Variants in CAMTA1 observed in about 807,000 individuals in gnomAD.
CAMTA1 encodes calmodulin binding transcription activator 1, also known as calmodulin-binding transcription activator 1.
Under a neutral mutation model 170.9 loss-of-function variants are expected in CAMTA1, and 27 were observed. That is an observed-to-expected ratio of 0.16 (90% CI 0.12 to 0.22). The LOEUF (loss-of-function observed/expected upper bound fraction) is 0.22, where lower values mean the gene tolerates loss of function less well. CAMTA1 is among the 10% of genes least tolerant of loss of function. The pLI, the probability that CAMTA1 is intolerant of heterozygous loss-of-function variation, is 1.00. For missense variants in CAMTA1, 1,619 were observed against 2,217.2 expected, an observed-to-expected ratio of 0.73 and a Z score of 5.42; for synonymous variants, 833 against 891.5, an observed-to-expected ratio of 0.93 and a Z score of 1.17.
At position 7,463,489 on chromosome 1, in the gene CAMTA1, GGAGA is replaced by G; in HGVS notation, c.439-4332_439-4329del. Among the ~76,000 whole-genome samples, 1 of 151,660 alleles carries G rather than the reference GGAGA, an allele frequency of 6.6e-6. No individual in the cohort carries two copies. The highest frequency in any genetic ancestry group is 2.4e-5 in the African/African-American group (1 of 41,350). On this transcript the variant is annotated intron_variant, in intron 5 of 22. Transcript: ENST00000303635. This position sits in a 1 kb window ranked among gnomAD's most constrained non-coding sequence, Gnocchi z 4.7. ...GAGAGGACAAGACAGCTGCAGAGAT[GGAGA>G]GAGAGAGAAAGAAAGAGACTGAGAA...
Position 7,736,057 on chromosome 1 carries a change from G to A in CAMTA1, c.3067-287G>A, listed in dbSNP as rs897187756. ...CCCAAAGTGCTGGGATTTCAGGCAT[G>A]AGCCACTGTGCGCAGCCTAAATTTT... On this transcript the variant is annotated intron_variant, in intron 12 of 22. Transcript: ENST00000303635. The surrounding 1 kb of genome is among the most constrained non-coding windows in gnomAD (Gnocchi z 4.5). Among the ~76,000 whole-genome samples the A allele has an allele frequency of 3.9e-5, 6 of 152,074 alleles. No homozygotes were observed. The highest frequency in any genetic ancestry group is 1.4e-4 in the African/African-American group (6 of 41,418).
intron 4 of CAMTA1, among the ~76,000 whole-genome samples, chr1:7,157,590 AT>A (rs1398767786): frequency 6.6e-6 from 1 of 152,168 alleles, no homozygotes; most frequent in African/African-American, 2.4e-5. Context: ...TTCATACATT[AT>A]TGATGGGGAT....
At chr1:6,930,558 G>A (rs1388115818) in intron 3 of CAMTA1, among the ~76,000 whole-genome samples, 2 of 152,206 alleles carry the variant, frequency 1.3e-5, no homozygotes, top group Non-Finnish European at 2.9e-5. Flanking sequence ...AGCTCATGGG[G>A]GTTAGGGGTT....
At chr1:7,505,025 C>G (rs990229348) in intron 6 of CAMTA1, among the ~76,000 whole-genome samples, 1 of 150,870 alleles carries the variant, frequency 6.6e-6, no homozygotes, top group African/African-American at 2.4e-5. Flanking sequence ...GGACATGGCA[C>G]AAGCACACAG....
chr1:7,595,513 A>T (rs2095393016), intron 6 of CAMTA1, among the ~76,000 whole-genome samples: 1 of 152,164 alleles, frequency 6.6e-6, no homozygotes, highest in Non-Finnish European at 1.5e-5. Context: ...GCTCTGCTGA[A>T]TCTGGAGGCT....
chr1:7,228,901 A>G (rs1341443887), intron 4 of CAMTA1, among the ~76,000 whole-genome samples: 10 of 151,902 alleles, frequency 6.6e-5, no homozygotes, highest in Admixed American at 6.5e-4. Flanking sequence ...GTGCTGCTGG[A>G]GGGGGATGGG....
intron 6 of CAMTA1, among the ~76,000 whole-genome samples, chr1:7,519,764 A>T: frequency 6.6e-6 from 1 of 151,474 alleles, no homozygotes; most frequent in Admixed American, 6.6e-5. Flanking sequence ...TCTCTCCCTG[A>T]CAGGTGCCAC....
intron 5 of CAMTA1, among the ~76,000 whole-genome samples, chr1:7,419,134 G>A (rs949454243): frequency 4.6e-5 from 7 of 152,080 alleles, no homozygotes; most frequent in Admixed American, 1.3e-4. Flanking sequence ...TTCCCTTCCC[G>A]AACTTCTTCT....
chr1:7,755,603 C>T (rs894827601), intron 21 of CAMTA1, 35 bp from the exon 22 acceptor site: 3 of 1,571,646 alleles, frequency 1.9e-6, no homozygotes, highest in African/African-American at 1.3e-5. Context: ...CCCTCATGTG[C>T]TAATAGCTCT....
At chr1:7,504,585 G>T (rs559228961) in intron 6 of CAMTA1, among the ~76,000 whole-genome samples, 2 of 152,384 alleles carry the variant, frequency 1.3e-5, no homozygotes, top group South Asian at 4.1e-4. Context: ...CTTGGTGTGG[G>T]GTTGACCCCA....
chr1:7,572,976 C>T (rs1285587985), intron 6 of CAMTA1, among the ~76,000 whole-genome samples: 2 of 152,220 alleles, frequency 1.3e-5, no homozygotes, highest in African/African-American at 4.8e-5. Flanking sequence ...AAACAGGCAG[C>T]CGGCGCCTGA....
chr1:7,647,358 TCAA>T (rs2095815320), intron 7 of CAMTA1, among the ~76,000 whole-genome samples: 1 of 151,906 alleles, frequency 6.6e-6, no homozygotes, highest in South Asian at 2.1e-4. Flanking sequence ...AGAAGGAAAA[TCAA>T]CAAAGCCTTC....
At position 7,249,344 on chromosome 1, in the gene CAMTA1, G is replaced by A; in HGVS notation, c.303-147G>A. 5.0e-6 allele frequency: 4 copies of A among 806,806 alleles called. No individual in the cohort carries two copies. The highest frequency in any genetic ancestry group is 7.7e-6 in the Non-Finnish European group (4 of 519,508). The allele number at this position is 806,806 out of a possible 1,614,324, so 50.0% of individuals were successfully genotyped here. ...GGCCATAAAACATGGTTAATCCAGG[G>A]AGATGCAATAAAAGGTGAAAAATTA... On this transcript the variant is annotated intron_variant, in intron 4 of 22. Coordinates refer to ENST00000303635, the MANE Select transcript of CAMTA1 (RefSeq NM_015215.4). This position sits in a 1 kb window ranked among gnomAD's most constrained non-coding sequence, Gnocchi z 4.4.
chr1:7,672,428 G>T (rs918439963), intron 10 of CAMTA1, among the ~76,000 whole-genome samples: 14 of 151,892 alleles, frequency 9.2e-5, no homozygotes, highest in Admixed American at 3.3e-4. Flanking sequence ...CTTTTTGTTG[G>T]TTTTTTTGTT....
intron 6 of CAMTA1, among the ~76,000 whole-genome samples, chr1:7,536,282 T>C (rs751354345): frequency 2.0e-5 from 3 of 152,186 alleles, no homozygotes; most frequent in Non-Finnish European, 4.4e-5. Context: ...CAAAATAAAT[T>C]GCTCTGCACT....
intron 6 of CAMTA1, among the ~76,000 whole-genome samples, chr1:7,509,967 C>T (rs2094178792): frequency 6.6e-6 from 1 of 151,530 alleles, no homozygotes; most frequent in Non-Finnish European, 1.5e-5. Flanking sequence ...GTGACCACAA[C>T]CTCTGTCACT....
chr1:7,050,596 C>T lies in CAMTA1; in HGVS notation c.235-40708C>T, dbSNP rs1472023762. On this transcript the variant is annotated intron_variant, in intron 3 of 22. Coordinates refer to ENST00000303635, the MANE Select transcript of CAMTA1 (RefSeq NM_015215.4). This position sits in a 1 kb window ranked among gnomAD's most constrained non-coding sequence, Gnocchi z 4.8. ...CAGTGCCCAGTTGAGATATCTGTCT[C>T]GGCAGTACCAGGCTATTTGAACATG... Among the ~76,000 whole-genome samples the T allele has an allele frequency of 2.6e-5, 4 of 152,120 alleles. No homozygotes were observed. Among genetic ancestry groups the T allele is most frequent in the Admixed American group, 6.5e-5 (1 of 15,278 alleles).
chr1:6,879,908 T>G (rs1468690347), intron 3 of CAMTA1, among the ~76,000 whole-genome samples: 1 of 151,794 alleles, frequency 6.6e-6, no homozygotes, highest in Non-Finnish European at 1.5e-5. Flanking sequence ...ATTACAGGTA[T>G]AAGCCACCAT....
chr1:7,374,006 G>A (rs1223213166), intron 5 of CAMTA1, among the ~76,000 whole-genome samples: 1 of 152,220 alleles, frequency 6.6e-6, no homozygotes, highest in Non-Finnish European at 1.5e-5. Context: ...GGAAGAGCAA[G>A]AAGGATCCTG....
Sources: gnomAD v4.1 joint callset for allele counts (sites outside exome capture counted in the v4.1 genomes callset) on GRCh38, gnomAD v4.1.1 for gene constraint, Gnocchi (gnomAD v3.1) non-coding constraint, MANE v1.5 for transcripts, NCBI Gene and HGNC (gene_info 2026-07-23, HGNC 2026-07-21) for gene names.